The following PLEKHA5 variants were observed in gnomAD, a reference collection of about 807,000 sequenced individuals.
PLEKHA5 encodes the protein pleckstrin homology domain-containing family A member 5.
In PLEKHA5, 55 loss-of-function variants were observed where a neutral mutation model predicts 181.9. The ratio of observed to expected loss-of-function variants is 0.30; its 90% CI spans 0.24 to 0.38. PLEKHA5 has a LOEUF of 0.38. Among genes scored for constraint, PLEKHA5 ranks in the 10% least tolerant of loss-of-function variants. The probability of loss-of-function intolerance (pLI) is 1.00; values close to 1 mark genes in which losing one functional copy is unlikely to be tolerated. For synonymous variants in PLEKHA5, 535 were observed against 529.4 expected, an observed-to-expected ratio of 1.01 and a Z score of -0.15; for missense variants, 1,432 against 1,549.5, an observed-to-expected ratio of 0.92 and a Z score of 1.27.
At chr12:19,194,618 C>G (rs1028464534) in intron 3 of PLEKHA5, among the ~76,000 whole-genome samples, 15 of 152,056 alleles carry the variant, frequency 9.9e-5, no homozygotes, top group Admixed American at 6.6e-5. Flanking sequence ...ATTAGTATCC[C>G]CCTTTTACCT....
intron 28 of PLEKHA5, among the ~76,000 whole-genome samples, chr12:19,359,978 A>G (rs1256528563): frequency 6.6e-6 from 1 of 151,912 alleles, no homozygotes; most frequent in African/African-American, 2.4e-5. Context: ...TCAAAAAAAA[A>G]AAGAAAAAGG....
chr12:19,319,296 G>C (rs1056432260), intron 16 of PLEKHA5, among the ~76,000 whole-genome samples: 1 of 152,078 alleles, frequency 6.6e-6, no homozygotes, highest in African/African-American at 2.4e-5. Context: ...AGATTCATTT[G>C]CATGAGGTAT....
chr12:19,162,943 G>C (rs1591869019), intron 3 of PLEKHA5, among the ~76,000 whole-genome samples: 1 of 152,164 alleles, frequency 6.6e-6, no homozygotes, highest in East Asian at 1.9e-4. Context: ...GACTAGTCTA[G>C]TGTCTTCATT....
chr12:19,132,974 G>C (rs2034462708), intron 3 of PLEKHA5, among the ~76,000 whole-genome samples: 1 of 149,114 alleles, frequency 6.7e-6, no homozygotes, highest in Non-Finnish European at 1.5e-5. Flanking sequence ...ATTTTGACCA[G>C]GGCTGTTTAT....
intron 3 of PLEKHA5, chr12:19,201,372 T>C (rs537557912): frequency 2.1e-4 from 32 of 152,178 alleles, no homozygotes; most frequent in African/African-American, 7.2e-4. Flanking sequence ...AAACTCAAAC[T>C]CTGTTACACT....
rs1004346328 is a variant in PLEKHA5, at chr12:19,354,482, ATTGT to A, written c.3138+483_3138+486del. ...TCTTAGTTATTCTTAAAAAAAAAAA[ATTGT>A]TTTTTTTTTTTTGAGATGGAGTCTC... is the stretch of plus-strand genomic sequence containing the variant. On this transcript the variant is annotated intron_variant, in intron 26 of 31. Transcript: ENST00000429027. Among the ~76,000 whole-genome samples the A allele has an allele frequency of 2.7e-5, 3 of 112,978 alleles. No individual in the cohort carries two copies. The Admixed American group carries it at 2.9e-4, about 11-fold the overall frequency. The allele number at this position is 112,978 out of a possible 152,430, so 74.1% of individuals were successfully genotyped here.
intron 3 of PLEKHA5, among the ~76,000 whole-genome samples, chr12:19,163,069 G>A (rs929204374): frequency 3.9e-5 from 6 of 152,024 alleles, no homozygotes; most frequent in Non-Finnish European, 7.4e-5. Context: ...ACAAAGGTAG[G>A]TATTGTAAAT....
chr12:19,347,847 A>C (rs1420353596), intron 24 of PLEKHA5, among the ~76,000 whole-genome samples: 1 of 151,908 alleles, frequency 6.6e-6, no homozygotes, highest in African/African-American at 2.4e-5. Flanking sequence ...CCATCATAAA[A>C]ATGTGACTTT....
intron 13 of PLEKHA5, 123 bp from the exon 14 acceptor site, chr12:19,290,554 G>A (rs905441233): frequency 8.4e-6 from 6 of 714,238 alleles, no homozygotes; most frequent in Non-Finnish European, 1.4e-5. Context: ...TAGTGCCTAG[G>A]CACTATGTTT....
chr12:19,168,012 A>G (rs1434077910), intron 3 of PLEKHA5, among the ~76,000 whole-genome samples: 3 of 152,152 alleles, frequency 2.0e-5, no homozygotes. Context: ...TGATATGTAT[A>G]TCGGTTAGTG....
At position 19,287,495 on chromosome 12, in the gene PLEKHA5, G is replaced by C; in HGVS notation, c.1802G>C (p.Arg601Thr). The change falls in exon 13 of 32, where the codon AGG becomes ACG. Residue 601 changes from arginine (R) to threonine (T), a missense_variant. By Grantham distance (71) the Arg-to-Thr change is moderately conservative. Coordinates refer to ENST00000429027, the MANE Select transcript of PLEKHA5 (RefSeq NM_001256470.2). The stretch of plus-strand genomic sequence containing the variant: ...TAGCATGTCTATGTGCCTGACAGAA[G>C]GTCAGTGCCAGCTGGCCTGACTTTA... Reference protein sequence around the residue: ...HPKHVYVPDRRSVPAGLTLQS... With the variant: ...HPKHVYVPDRTSVPAGLTLQS... 6.2e-7 allele frequency: 1 copy of C among 1,610,704 alleles called. No individual in the cohort carries two copies.
intron 3 of PLEKHA5, among the ~76,000 whole-genome samples, chr12:19,215,784 G>A (rs967726871): frequency 1.3e-5 from 2 of 152,104 alleles, no homozygotes; most frequent in East Asian, 1.9e-4. Context: ...GCTTGAAGAA[G>A]CACTGACTTT....
intron 22 of PLEKHA5, among the ~76,000 whole-genome samples, chr12:19,345,166 A>G (rs4418899): frequency 0.054 from 8,132 of 151,054 alleles, 367 homozygotes; most frequent in East Asian, 0.21. Flanking sequence ...TTGGGAGGCC[A>G]AGGCGGGCAG....
chr12:19,270,504 T>C (rs187079307), intron 10 of PLEKHA5, among the ~76,000 whole-genome samples: 5 of 152,292 alleles, frequency 3.3e-5, no homozygotes, highest in Admixed American at 3.3e-4. Context: ...TGTACCTTTT[T>C]TATATTGAAA....
At chr12:19,365,253 G>C (rs1592651112) in intron 29 of PLEKHA5, among the ~76,000 whole-genome samples, 1 of 151,836 alleles carries the variant, frequency 6.6e-6, no homozygotes, top group East Asian at 2.0e-4. Flanking sequence ...CGTAGTCCCT[G>C]CTACTCGGGA....
intron 29 of PLEKHA5, 92 bp downstream of exon 29, chr12:19,361,798 C>A: frequency 1.8e-6 from 2 of 1,107,652 alleles, no homozygotes; most frequent in Non-Finnish European, 2.7e-6. Flanking sequence ...TGGATTTCAG[C>A]CCCAGCTTAG....
Position 19,144,483 on chromosome 12 carries a change from T to C in PLEKHA5, c.227+12033T>C, listed in dbSNP as rs141229713. Among the ~76,000 whole-genome samples the C allele has an allele frequency of 5.0e-4, 73 of 147,238 alleles. No individual in the cohort carries two copies. In the East Asian group the frequency reaches 0.011, roughly 22 times the overall value. On this transcript the variant is annotated intron_variant, in intron 3 of 31. Transcript: ENST00000429027. ...AACAGACCACAGTTTTAGACACTTATAAAACTTCTGCTTATATCATGCTTT... is the reference window on the plus strand; with the variant it reads ...AACAGACCACAGTTTTAGACACTTACAAAACTTCTGCTTATATCATGCTTT...
chr12:19,221,322 T>C (rs548981334), intron 3 of PLEKHA5, among the ~76,000 whole-genome samples: 2 of 152,178 alleles, frequency 1.3e-5, no homozygotes, highest in Non-Finnish European at 2.9e-5. Context: ...TAAGAAGAAA[T>C]GGGCTGTCAA....
chr12:19,198,877 T>A (rs930296109), intron 3 of PLEKHA5, among the ~76,000 whole-genome samples: 6 of 152,200 alleles, frequency 3.9e-5, no homozygotes, highest in Non-Finnish European at 8.8e-5. Context: ...AAATATTTTT[T>A]AAAAATTTTT....
Sources: allele counts gnomAD v4.1 joint callset (sites outside exome capture counted in the v4.1 genomes callset), GRCh38; gene constraint gnomAD v4.1.1; transcripts MANE v1.5; gene names NCBI Gene and HGNC (gene_info 2026-07-23, HGNC 2026-07-21).